DCAF6: variants seen among roughly 807,000 people sequenced by gnomAD.
DCAF6 encodes DDB1- and CUL4-associated factor 6.
A neutral mutation model predicts 125.1 loss-of-function variants in DCAF6; 54 were observed. The observed-to-expected ratio is 0.43, with a 90% CI of 0.35 to 0.54. The LOEUF (loss-of-function observed/expected upper bound fraction) is 0.54, where lower values mean the gene tolerates loss of function less well. DCAF6 is among the 20% of genes least tolerant of loss of function. The pLI, the probability that DCAF6 is intolerant of heterozygous loss-of-function variation, is 0.01. For missense variants in DCAF6, 934 were observed against 1,161.7 expected, an observed-to-expected ratio of 0.80 and a Z score of 2.85; for synonymous variants, 371 against 390.4, an observed-to-expected ratio of 0.95 and a Z score of 0.58.
the DCAF6 span, among the ~76,000 whole-genome samples, chr1:167,872,240 A>G: frequency 6.6e-6 from 1 of 152,100 alleles, no homozygotes. Flanking sequence ...CAGGAGGCTG[A>G]GGCAGGAGAA....
At chr1:167,884,409 A>G in the DCAF6 span, among the ~76,000 whole-genome samples, 1 of 152,132 alleles carries the variant, frequency 6.6e-6, no homozygotes, top group Admixed American at 6.6e-5. Context: ...CAAGGGTATA[A>G]TCCACCCCTA....
At chr1:167,890,679 G>A in the DCAF6 span, among the ~76,000 whole-genome samples, 1 of 152,222 alleles carries the variant, frequency 6.6e-6, no homozygotes, top group African/African-American at 2.4e-5. Context: ...CAGGTCCACA[G>A]ATGCCATCTG....
intron 6 of DCAF6, among the ~76,000 whole-genome samples, chr1:167,992,252 TACACAC>T (rs761598229): frequency 4.9e-5 from 7 of 143,088 alleles, no homozygotes; most frequent in South Asian, 4.5e-4. Flanking sequence ...AGGCCAGGAT[TACACAC>T]ACACACACAC....
intron 12 of DCAF6, among the ~76,000 whole-genome samples, chr1:168,034,067 T>G (rs530793806): frequency 4.6e-5 from 7 of 152,362 alleles, no homozygotes; most frequent in African/African-American, 1.4e-4. Context: ...TAACCAGTTA[T>G]TAATGTTGTT....
At chr1:167,954,097 C>T (rs1674392639) in intron 2 of DCAF6, among the ~76,000 whole-genome samples, 1 of 152,122 alleles carries the variant, frequency 6.6e-6, no homozygotes, top group South Asian at 2.1e-4. Flanking sequence ...ACCTCCACCT[C>T]CTGGGTTCAA....
Position 167,938,473 on chromosome 1 carries a change from A to G in DCAF6, c.97+1465A>G, listed in dbSNP as rs546371820. Among the ~76,000 whole-genome samples, 18 of 152,350 alleles carry G rather than the reference A, an allele frequency of 1.2e-4. No homozygotes were observed. In the South Asian group the frequency reaches 2.9e-3, roughly 25 times the overall value. ...TTAAGTAGACGTTCGCCCTTACAGC[A>G]TTTTAATGAACATCATTCTACAAGC... On this transcript the variant is annotated intron_variant, in intron 1 of 21. Transcript: ENST00000367840.
the DCAF6 span, chr1:167,880,342 G>A: frequency 1.1e-6 from 1 of 940,158 alleles, no homozygotes; most frequent in Non-Finnish European, 1.7e-6. Context: ...TTTCTACATG[G>A]CCCGGAGATG....
rs768330714 is a variant in DCAF6, at chr1:168,065,688, G to T, written c.2538G>T (p.Met846Ile). The T allele has an allele frequency of 6.2e-7, 1 of 1,613,074 alleles. No homozygotes were observed. The highest frequency in any genetic ancestry group is 2.2e-5 in the East Asian group (1 of 44,870). Residue 846 changes from methionine (M) to isoleucine (I), a missense_variant, in exon 19 of 22, where the codon ATG becomes ATT. By Grantham distance (10) the Met-to-Ile change is conservative (BLOSUM62 1). Coordinates refer to ENST00000367840, the MANE Select transcript of DCAF6 (RefSeq NM_001198956.2). ...ATCGGCACACTGCTGAGCATTTGATGCTTCTGGAAGCTGATAATCATGTGG... is the reference window on the plus strand; with the variant it reads ...ATCGGCACACTGCTGAGCATTTGATTCTTCTGGAAGCTGATAATCATGTGG... ...IWDRHTAEHL[M>I]LLEADNHVVN...
Position 168,004,874 on chromosome 1 carries a change from A to G in DCAF6, c.1378+81A>G, listed in dbSNP as rs568667724. Reference sequence around the variant, plus strand: ...TACTGGCTATTTTGAAAGATACTAAATCACATCAACTTCTTGTTGGAATAA... The same window carrying G: ...TACTGGCTATTTTGAAAGATACTAAGTCACATCAACTTCTTGTTGGAATAA... On this transcript the variant is annotated intron_variant, in intron 10 of 21. Transcript: ENST00000367840. The G allele has an allele frequency of 8.0e-5, 115 of 1,437,308 alleles. No individual in the cohort carries two copies. In the African/African-American group the frequency reaches 1.4e-3, roughly 18 times the overall value. The allele number at this position is 1,437,308 out of a possible 1,614,324, so 89.0% of individuals were successfully genotyped here.
chr1:167,865,247 T>A, the DCAF6 span, among the ~76,000 whole-genome samples: 1 of 152,168 alleles, frequency 6.6e-6, no homozygotes, highest in Admixed American at 6.5e-5. Context: ...GTTAAAAAAA[T>A]TATTGTTTTG....
rs369388952 is a variant in DCAF6 at position 167,964,859 on chromosome 1, GT to G, written c.160-1768del. ...CCCATCAGAGGCATTGTTCCTTTCT[GT>G]TACATTGTTTTTGATTGCTACCATT... On this transcript the variant is annotated intron_variant, in intron 2 of 21. Coordinates refer to ENST00000367840, the MANE Select transcript of DCAF6 (RefSeq NM_001198956.2). Among the ~76,000 whole-genome samples the G allele has an allele frequency of 3.8e-4, 58 of 152,204 alleles. No individual in the cohort carries two copies. The East Asian group carries it at 7.3e-3, about 19-fold the overall frequency.
chr1:167,908,440 A>G, the DCAF6 span, among the ~76,000 whole-genome samples: 3 of 152,162 alleles, frequency 2.0e-5, no homozygotes. Flanking sequence ...GAAGGATACA[A>G]AGTTTCAATT....
At chr1:167,875,431 T>TC in the DCAF6 span, among the ~76,000 whole-genome samples, 340 of 7,826 alleles carry the variant, frequency 0.043, 2 homozygotes, top group African/African-American at 0.41. Context: ...CAATAAATGC[T>TC]GTTGAGTCTG....
chr1:167,894,548 A>G, the DCAF6 span, among the ~76,000 whole-genome samples: 1 of 152,066 alleles, frequency 6.6e-6, no homozygotes. Flanking sequence ...AGTTTGAGGG[A>G]GTCAAAAAAT....
the DCAF6 span, chr1:167,920,583 G>A: frequency 1.2e-6 from 2 of 1,614,002 alleles, no homozygotes; most frequent in Non-Finnish European, 1.7e-6. Flanking sequence ...GCTGTGCTAA[G>A]TTTTTCTGCA....
chr1:168,019,616 C>A, intron 11 of DCAF6: 1 of 429,742 alleles, frequency 2.3e-6, no homozygotes, highest in Non-Finnish European at 4.7e-6. Flanking sequence ...TGGTACTGAC[C>A]TAACCACCAC....
chr1:168,000,573 A>T (rs1445838971), intron 7 of DCAF6, among the ~76,000 whole-genome samples: 1 of 152,204 alleles, frequency 6.6e-6, no homozygotes, highest in African/African-American at 2.4e-5. Context: ...ATTCAGCATT[A>T]TTCATAATAG....
intron 12 of DCAF6, among the ~76,000 whole-genome samples, chr1:168,036,772 G>A (rs1268920348): frequency 6.6e-6 from 1 of 152,168 alleles, no homozygotes; most frequent in African/African-American, 2.4e-5. Context: ...AACACTGAAT[G>A]TAATACTAAA....
At chr1:167,864,234 G>A in the DCAF6 span, among the ~76,000 whole-genome samples, 18 of 152,166 alleles carry the variant, frequency 1.2e-4, no homozygotes, top group African/African-American at 3.6e-4. Context: ...TGAGAGTGGT[G>A]TTTTGTCTCG....
Sources: allele counts gnomAD v4.1 joint callset (sites outside exome capture counted in the v4.1 genomes callset), GRCh38; gene constraint gnomAD v4.1.1; transcripts MANE v1.5; gene names NCBI Gene and HGNC (gene_info 2026-07-23, HGNC 2026-07-21).